The following ZNF354B variants were observed in gnomAD, a reference collection of about 807,000 sequenced individuals.
ZNF354B encodes the protein zinc finger protein 354B.
In ZNF354B, 10 loss-of-function variants were observed where a neutral mutation model predicts 12.9. The ratio of observed to expected loss-of-function variants is 0.77; its 90% CI spans 0.48 to 1.31. The LOEUF (loss-of-function observed/expected upper bound fraction) is 1.31. Among genes scored for constraint, ZNF354B ranks in the 40% most tolerant of loss-of-function variants. The pLI, the probability that ZNF354B is intolerant of heterozygous loss-of-function variation, is 0.00. For synonymous variants in ZNF354B, 260 were observed against 243.7 expected (o/e 1.07, Z -0.62); for missense variants, 614 against 711.7 (o/e 0.86, Z 1.56).
At chr5:178,873,483 A>G (rs970414290) in intron 4 of ZNF354B, among the ~76,000 whole-genome samples, 1 of 152,078 alleles carries the variant, frequency 6.6e-6, no homozygotes, top group African/African-American at 2.4e-5. Context: ...TGCGAGGTTC[A>G]TTTTTTTGCA....
chr5:178,883,284 GC>G lies in ZNF354B; in HGVS notation c.834del (p.Phe279SerfsTer11), dbSNP rs1757748832. 6.2e-7 allele frequency: 1 copy of G among 1,613,582 alleles called. No individual in the cohort carries two copies. The highest frequency in any genetic ancestry group is 1.3e-5 in the African/African-American group (1 of 74,994). Reference protein sequence around the residue: ...KPYICKECGKAFSHSASLCKH... With the variant: ...KPYICKECGKXFSHSASLCKH... ...CTATATATGTAAAGAATGTGGGAAA[GC>G]CTTCAGCCATAGTGCATCCCTTTGT... On this transcript the variant is annotated frameshift_variant, in exon 5 of 5. Coordinates refer to ENST00000322434, the MANE Select transcript of ZNF354B (RefSeq NM_058230.3). LOFTEE classifies it low-confidence loss of function (END_TRUNC).
intron 2 of ZNF354B, among the ~76,000 whole-genome samples, chr5:178,863,735 T>C (rs1437443664): frequency 6.6e-6 from 1 of 152,192 alleles, no homozygotes; most frequent in Non-Finnish European, 1.5e-5. Context: ...CAGCTGCATG[T>C]GTGTCATTGC....
chr5:178,871,546 A>G (rs1321239009), intron 4 of ZNF354B, among the ~76,000 whole-genome samples: 2 of 152,198 alleles, frequency 1.3e-5, no homozygotes, highest in African/African-American at 4.8e-5. Flanking sequence ...TCTGCATTGT[A>G]AGCTGCTGTA....
chr5:178,876,927 CTT>C (rs71589405), intron 4 of ZNF354B, among the ~76,000 whole-genome samples: 20 of 141,352 alleles, frequency 1.4e-4, no homozygotes, highest in Admixed American at 2.1e-4. Context: ...TTTTTTATGC[CTT>C]TTTTTTTTTT....
intron 2 of ZNF354B, among the ~76,000 whole-genome samples, chr5:178,864,137 A>G (rs60601817): frequency 0.15 from 22,586 of 152,194 alleles, 2,055 homozygotes; most frequent in African/African-American, 0.25. Context: ...ATAGTGTCCT[A>G]AGTTTCACAT....
At chr5:178,871,645 C>G (rs1345776070) in intron 4 of ZNF354B, among the ~76,000 whole-genome samples, 1 of 152,142 alleles carries the variant, frequency 6.6e-6, no homozygotes, top group Non-Finnish European at 1.5e-5. Flanking sequence ...ATAATGAATG[C>G]ACGAGTGACT....
At chr5:178,876,664 C>G (rs1757642937) in intron 4 of ZNF354B, among the ~76,000 whole-genome samples, 4 of 152,188 alleles carry the variant, frequency 2.6e-5, no homozygotes, top group Non-Finnish European at 5.9e-5. Flanking sequence ...CCCGCTTAAA[C>G]CTTTTGAATT....
intron 2 of ZNF354B, among the ~76,000 whole-genome samples, chr5:178,863,250 A>G (rs1479032426): frequency 2.0e-5 from 3 of 152,152 alleles, no homozygotes; most frequent in East Asian, 3.8e-4. Flanking sequence ...ACATATGTAT[A>G]TGTGTGTGTA....
In ZNF354B at chr5:178,880,831, A is replaced by ATTT. The variant is rs56013359; in HGVS notation, c.257-1852_257-1850dup. 2.2e-4 allele frequency among the ~76,000 whole-genome samples: 17 copies of ATTT among 76,182 alleles called. 1 individual carries two copies. In the East Asian group the frequency reaches 3.1e-3, roughly 14 times the overall value. The allele number at this position is 76,182 out of a possible 152,430, so 50.0% of individuals were successfully genotyped here. On this transcript the variant is annotated intron_variant, in intron 4 of 4. Coordinates refer to ENST00000322434, the MANE Select transcript of ZNF354B (RefSeq NM_058230.3). ...TTTCAGTAGTTGTCAACTCATGGTC[A>ATTT]TTTTTTTTTTTTTTTTTTTTTTTTT...
intron 4 of ZNF354B, among the ~76,000 whole-genome samples, chr5:178,879,036 C>T (rs956064207): frequency 1.3e-5 from 2 of 149,178 alleles, no homozygotes; most frequent in African/African-American, 4.9e-5. Context: ...TTTTTAGGAC[C>T]TTGTTGTTTG....
chr5:178,883,521 A>T lies in ZNF354B; in HGVS notation c.1069A>T (p.Asn357Tyr), dbSNP rs1418468564. The T allele has an allele frequency of 1.2e-6, 2 of 1,614,176 alleles. No homozygotes were observed. Among genetic ancestry groups the T allele is most frequent in the Non-Finnish European group, 1.7e-6 (2 of 1,180,002 alleles). Reference protein sequence around the residue: ...IHLRKKSYLCNECGNTFKSSS... With the variant: ...IHLRKKSYLCYECGNTFKSSS... ...TCTCAGAAAGAAGTCCTACTTATGT[A>T]ATGAATGTGGCAACACCTTTAAGTC... The change falls in exon 5 of 5, where the codon AAT becomes TAT. Residue 357 changes from asparagine to tyrosine, a missense_variant. Physicochemically the swap from Asn to Tyr is moderately radical, Grantham distance 143. Coordinates refer to ENST00000322434, the MANE Select transcript of ZNF354B (RefSeq NM_058230.3).
chr5:178,875,063 G>A (rs189049159), intron 4 of ZNF354B, among the ~76,000 whole-genome samples: 80 of 152,278 alleles, frequency 5.3e-4, no homozygotes, highest in African/African-American at 1.8e-3. Context: ...TGGCCAGTAG[G>A]TAGGCTCTTA....
At chr5:178,876,374 G>A (rs906377529) in intron 4 of ZNF354B, among the ~76,000 whole-genome samples, 1 of 152,232 alleles carries the variant, frequency 6.6e-6, no homozygotes, top group Non-Finnish European at 1.5e-5. Flanking sequence ...GAGCCTGAGG[G>A]CAACAGCAGT....
intron 4 of ZNF354B, among the ~76,000 whole-genome samples, chr5:178,880,449 C>T (rs969390744): frequency 4.0e-5 from 6 of 151,578 alleles, no homozygotes; most frequent in African/African-American, 1.5e-4. Context: ...CTGCCCACCT[C>T]AGCCTCCCAA....
At chr5:178,882,676 A>T in intron 4 of ZNF354B, 33 bp from the exon 5 acceptor site, 1 of 1,519,824 alleles carries the variant, frequency 6.6e-7, no homozygotes, top group South Asian at 1.4e-5. Context: ...CACATGAATC[A>T]TGGGCTGTTG....
At chr5:178,879,954 C>T (rs757147907) in intron 4 of ZNF354B, among the ~76,000 whole-genome samples, 3 of 151,366 alleles carry the variant, frequency 2.0e-5, no homozygotes, top group African/African-American at 7.3e-5. Context: ...GGCAAAACCC[C>T]GTCTCTACTA....
chr5:178,875,591 C>G (rs368953816), intron 4 of ZNF354B, among the ~76,000 whole-genome samples: 1 of 152,190 alleles, frequency 6.6e-6, no homozygotes, highest in Non-Finnish European at 1.5e-5. Context: ...GAGGGACTTT[C>G]GGTTGCCTCT....
chr5:178,882,920 A>C lies in ZNF354B; in HGVS notation c.468A>C (p.Arg156Ser), dbSNP rs139684322. 6 of 1,600,452 alleles carry C rather than the reference A, an allele frequency of 3.7e-6. No homozygotes were observed. The African/African-American group carries it at 6.8e-5, about 18-fold the overall frequency. ...VAHTKILTVD[R>S]SHKNVEFGQN... ...ATACAAAAATCCTTACTGTAGATAGAAGCCATAAAAATGTTGAATTTGGCC... is the reference window on the plus strand; with the variant it reads ...ATACAAAAATCCTTACTGTAGATAGCAGCCATAAAAATGTTGAATTTGGCC... Residue 156 changes from arginine to serine, a missense_variant, in exon 5 of 5, where the codon AGA (arginine) becomes AGC (serine). Coordinates refer to ENST00000322434, the MANE Select transcript of ZNF354B (RefSeq NM_058230.3).
intron 2 of ZNF354B, among the ~76,000 whole-genome samples, chr5:178,864,186 G>A (rs530001701): frequency 6.6e-6 from 1 of 152,316 alleles, no homozygotes; most frequent in South Asian, 2.1e-4. Flanking sequence ...TTCCAGTCCT[G>A]GAAGCTCCAT....
Sources: gnomAD v4.1 joint callset for allele counts (sites outside exome capture counted in the v4.1 genomes callset) on GRCh38, gnomAD v4.1.1 for gene constraint, MANE v1.5 for transcripts, NCBI Gene and HGNC (gene_info 2026-07-23, HGNC 2026-07-21) for gene names.